The following LSAMP variants were observed in gnomAD, a reference collection of about 807,000 sequenced individuals.
LSAMP encodes limbic system-associated membrane protein.
LSAMP carries 7 observed loss-of-function variants against 38.6 expected under a neutral mutation model. That is an observed-to-expected ratio of 0.18 (90% confidence interval 0.10 to 0.34). The LOEUF (loss-of-function observed/expected upper bound fraction) is 0.34. LSAMP is among the 10% of genes least tolerant of loss of function. The pLI, the probability that LSAMP is intolerant of heterozygous loss-of-function variation, is 1.00. For synonymous variants in LSAMP, 154 were observed against 166.8 expected (o/e 0.92, Z 0.59); for missense variants, 313 against 420.0 (o/e 0.75, Z 2.23).
chr3:116,254,793 C>A (rs1176521653), intron 1 of LSAMP, among the ~76,000 whole-genome samples: 2 of 152,150 alleles, frequency 1.3e-5, no homozygotes, highest in African/African-American at 2.4e-5. Context: ...GATTGCTCAA[C>A]AATGTATTTT....
chr3:116,423,696 A>G (rs948002855), intron 1 of LSAMP, among the ~76,000 whole-genome samples: 1 of 152,164 alleles, frequency 6.6e-6, no homozygotes, highest in African/African-American at 2.4e-5. Context: ...TGCAACCTCA[A>G]TGGGAACAGA....
intron 1 of LSAMP, among the ~76,000 whole-genome samples, chr3:116,353,123 G>T (rs951095289): frequency 6.6e-6 from 1 of 151,954 alleles, no homozygotes; most frequent in South Asian, 2.1e-4. Context: ...TAATCAGGGT[G>T]GTATGCTTAA....
intron 1 of LSAMP, among the ~76,000 whole-genome samples, chr3:116,242,117 A>C (rs748277542): frequency 6.6e-6 from 1 of 152,228 alleles, no homozygotes; most frequent in Admixed American, 6.5e-5. Flanking sequence ...TCTCTGTGGA[A>C]CACAGGAGCA....
rs537534399 is a variant in LSAMP, at chr3:116,342,069, C to T, written c.155+102808G>A. Among the ~76,000 whole-genome samples, 6 of 151,992 alleles carry T rather than the reference C, an allele frequency of 3.9e-5. No individual in the cohort carries two copies. The South Asian group carries it at 1.2e-3, about 32-fold the overall frequency. On this transcript the variant is annotated intron_variant, in intron 1 of 6. Coordinates refer to ENST00000490035, the MANE Select transcript of LSAMP (RefSeq NM_002338.5). ...GGAAAGCACCTAAGAGGGGATAGGGCAGACTTAGTGTGAGGTTAGTGATTT... is the reference window on the plus strand; with the variant it reads ...GGAAAGCACCTAAGAGGGGATAGGGTAGACTTAGTGTGAGGTTAGTGATTT...
chr3:116,292,547 G>A (rs1037006134), intron 1 of LSAMP, among the ~76,000 whole-genome samples: 1 of 152,110 alleles, frequency 6.6e-6, no homozygotes, highest in Non-Finnish European at 1.5e-5. Context: ...AATTTTCCAG[G>A]GTTGTCCTGA....
At chr3:116,131,889 G>A (rs969384623) in intron 1 of LSAMP, among the ~76,000 whole-genome samples, 2 of 150,350 alleles carry the variant, frequency 1.3e-5, no homozygotes, top group Non-Finnish European at 3.0e-5. Flanking sequence ...GTGCAGTGGT[G>A]CGATGTCAGC....
intron 1 of LSAMP, among the ~76,000 whole-genome samples, chr3:116,400,097 A>C (rs1315548509): frequency 6.6e-6 from 1 of 152,198 alleles, no homozygotes; most frequent in African/African-American, 2.4e-5. Flanking sequence ...ACTTTCTACA[A>C]ATCTAAAAAA....
chr3:116,074,344 A>T (rs891024647), intron 2 of LSAMP, among the ~76,000 whole-genome samples: 2 of 152,188 alleles, frequency 1.3e-5, no homozygotes, highest in Non-Finnish European at 2.9e-5. Context: ...TATAATGTTC[A>T]TTATAATAGT....
At chr3:116,047,468 A>G (rs1031398776) in intron 2 of LSAMP, among the ~76,000 whole-genome samples, 3 of 151,870 alleles carry the variant, frequency 2.0e-5, no homozygotes, top group East Asian at 3.9e-4. Flanking sequence ...GGACTCGACC[A>G]ATTTTTTTCC....
chr3:116,146,629 C>T (rs1201153226), intron 1 of LSAMP, among the ~76,000 whole-genome samples: 2 of 151,824 alleles, frequency 1.3e-5, no homozygotes, highest in Admixed American at 6.6e-5. Context: ...AACAGTAATA[C>T]TAACAAAAAA....
At chr3:116,186,111 A>G (rs1485453803) in intron 1 of LSAMP, among the ~76,000 whole-genome samples, 2 of 152,132 alleles carry the variant, frequency 1.3e-5, no homozygotes, top group Non-Finnish European at 2.9e-5. Flanking sequence ...GAAGTGAAGC[A>G]AAGCTGGAGA....
At chr3:116,008,205 A>G (rs914289197) in intron 3 of LSAMP, among the ~76,000 whole-genome samples, 1 of 152,190 alleles carries the variant, frequency 6.6e-6, no homozygotes, top group South Asian at 2.1e-4. Flanking sequence ...AGGCAAATCA[A>G]CGTTTATGGT....
chr3:116,189,509 G>T (rs574594635), intron 1 of LSAMP, among the ~76,000 whole-genome samples: 1 of 152,082 alleles, frequency 6.6e-6, no homozygotes, highest in Non-Finnish European at 1.5e-5. Flanking sequence ...CTCAGACCTC[G>T]AAAAGCAAAA....
At chr3:116,165,331 C>T (rs964768036) in intron 1 of LSAMP, among the ~76,000 whole-genome samples, 1 of 152,166 alleles carries the variant, frequency 6.6e-6, no homozygotes, top group Non-Finnish European at 1.5e-5. Flanking sequence ...TTTATGACAT[C>T]TACAAGGGAA....
chr3:116,431,450 A>G (rs1377394050), intron 1 of LSAMP, among the ~76,000 whole-genome samples: 1 of 152,080 alleles, frequency 6.6e-6, no homozygotes, highest in Non-Finnish European at 1.5e-5. Flanking sequence ...TCTAGCACGT[A>G]GGCTTTTGGT....
At chr3:115,995,714 A>G (rs552690400) in intron 3 of LSAMP, among the ~76,000 whole-genome samples, 1 of 152,212 alleles carries the variant, frequency 6.6e-6, no homozygotes, top group Non-Finnish European at 1.5e-5. Flanking sequence ...ACATGTTAGT[A>G]ATAGGACAGA....
At position 116,353,822 on chromosome 3, in the gene LSAMP, T is replaced by C. The variant is rs967076774; in HGVS notation, c.155+91055A>G. Reference sequence around the variant, plus strand: ...GCACGTTGACACAAACACTGGACTATAAATTATTAACCTACTTCAGGAAAT... The same window carrying C: ...GCACGTTGACACAAACACTGGACTACAAATTATTAACCTACTTCAGGAAAT... On this transcript the variant is annotated intron_variant, in intron 1 of 6. Coordinates refer to ENST00000490035, the MANE Select transcript of LSAMP (RefSeq NM_002338.5). Among the ~76,000 whole-genome samples the C allele has an allele frequency of 4.6e-5, 7 of 152,254 alleles. 1 individual carries two copies. The South Asian group carries it at 1.4e-3, about 32-fold the overall frequency.
At chr3:115,883,910 AT>A (rs1471408484) in intron 3 of LSAMP, among the ~76,000 whole-genome samples, 8 of 152,058 alleles carry the variant, frequency 5.3e-5, no homozygotes, top group Non-Finnish European at 1.0e-4. Flanking sequence ...AATGAAAGAC[AT>A]TAATGATAAG....
intron 1 of LSAMP, among the ~76,000 whole-genome samples, chr3:116,318,707 A>G (rs972709466): frequency 6.6e-6 from 1 of 152,360 alleles, no homozygotes; most frequent in African/African-American, 2.4e-5. Context: ...CATAAAAACA[A>G]AAATCAATAC....
Sources: gnomAD v4.1 joint callset for allele counts (sites outside exome capture counted in the v4.1 genomes callset) on GRCh38, gnomAD v4.1.1 for gene constraint, MANE v1.5 for transcripts, NCBI Gene and HGNC (gene_info 2026-07-23, HGNC 2026-07-21) for gene names.